Variants in AGPS observed in about 807,000 individuals in gnomAD.
AGPS encodes the protein alkylglycerone phosphate synthase.
Under a neutral mutation model 90.7 loss-of-function variants are expected in AGPS, and 26 were observed. The observed-to-expected ratio is 0.29, with a 90% CI of 0.21 to 0.40. The LOEUF (loss-of-function observed/expected upper bound fraction) is 0.40. Among genes scored for constraint, AGPS ranks in the 10% least tolerant of loss-of-function variants. The pLI is 1.00. For missense variants in AGPS, 540 were observed against 816.1 expected, an observed-to-expected ratio of 0.66 and a Z score of 4.12; for synonymous variants, 294 against 285.3, an observed-to-expected ratio of 1.03 and a Z score of -0.31.
In AGPS at chr2:177,502,407, A is replaced by AT. The variant is rs71007998; in HGVS notation, c.1475+2700dup. On this transcript the variant is annotated intron_variant, in intron 14 of 19. Transcript: ENST00000264167. ...ACTTAGATTACTTAGAGCCATTTCG[A>AT]TTTTTTTTTTTTTTTTTTTTTTTGA... Among the ~76,000 whole-genome samples, 21 of 109,296 alleles carry AT rather than the reference A, an allele frequency of 1.9e-4. 1 individual carries two copies. The highest frequency in any genetic ancestry group is 5.0e-4 in the African/African-American group (14 of 28,174). 71.7% of individuals were successfully genotyped at this position (109,296 alleles called of 152,430 possible). A position where few individuals can be genotyped will look rare whatever the true frequency, so the allele number is the denominator to read the frequency against.
At chr2:177,448,847 C>A (rs1686853476) in intron 8 of AGPS, among the ~76,000 whole-genome samples, 1 of 152,166 alleles carries the variant, frequency 6.6e-6, no homozygotes, top group Non-Finnish European at 1.5e-5. Context: ...CACCCACAAC[C>A]CTTAAGCAAC....
Position 177,392,997 on chromosome 2 carries a change from G to T in AGPS, c.208G>T (p.Ala70Ser), listed in dbSNP as rs967836221. The T allele has an allele frequency of 4.5e-6, 7 of 1,550,072 alleles. No homozygotes were observed. Among genetic ancestry groups the T allele is most frequent in the South Asian group, 1.2e-5 (1 of 84,042 alleles). ...ARRAASAATA[A>S]PTATPAAQES... ...GAGAGCCGCGTCGGCGGCCACGGCA[G>T]CGCCCACGGCCACTCCCGCCGCGCA... is the stretch of plus-strand genomic sequence containing the variant. Residue 70 changes from alanine to serine, a missense_variant, in exon 1 of 20, where the codon GCG becomes TCG. This residue lies in a region of AGPS where 135 missense variants were observed against 124.0 expected (regional missense o/e 1.09). Transcript: ENST00000264167.
At chr2:177,482,324 C>A in intron 11 of AGPS, 138 bp downstream of exon 11, 1 of 466,122 alleles carries the variant, frequency 2.1e-6, no homozygotes, top group Non-Finnish European at 3.6e-6. Context: ...GTGGTTTTTA[C>A]CCAGTTCTAT....
chr2:177,409,776 G>C (rs1220121408), intron 1 of AGPS, among the ~76,000 whole-genome samples: 1 of 152,032 alleles, frequency 6.6e-6, no homozygotes, highest in Admixed American at 6.5e-5. Context: ...ATGCATCAGG[G>C]GCTCCATTTG....
chr2:177,451,327 T>A (rs1449528618), intron 8 of AGPS, among the ~76,000 whole-genome samples: 1 of 152,146 alleles, frequency 6.6e-6, no homozygotes, highest in Non-Finnish European at 1.5e-5. Flanking sequence ...ATTGGTATTT[T>A]TAAAAATTGT....
At chr2:177,468,862 C>T (rs1035946561) in intron 10 of AGPS, among the ~76,000 whole-genome samples, 9 of 152,008 alleles carry the variant, frequency 5.9e-5, no homozygotes, top group Middle Eastern at 3.4e-3. Context: ...TCAGAATTAT[C>T]GGAGGAAAGG....
At chr2:177,535,755 C>A (rs2079178194) in intron 19 of AGPS, among the ~76,000 whole-genome samples, 3 of 152,146 alleles carry the variant, frequency 2.0e-5, no homozygotes, top group Non-Finnish European at 2.9e-5. Context: ...ATTTCTAGTA[C>A]CTTTAATTGC....
chr2:177,448,506 A>G (rs1336259179), intron 8 of AGPS, among the ~76,000 whole-genome samples: 1 of 152,172 alleles, frequency 6.6e-6, no homozygotes, highest in Non-Finnish European at 1.5e-5. Flanking sequence ...CAAACTCCGC[A>G]TTTTAAAAAC....
chr2:177,512,038 T>TA (rs1426874463), intron 16 of AGPS, among the ~76,000 whole-genome samples: 2 of 152,232 alleles, frequency 1.3e-5, no homozygotes, highest in African/African-American at 4.8e-5. Flanking sequence ...AGATTTTTTT[T>TA]AGACTACTTA....
At chr2:177,533,626 A>T (rs929822651) in intron 19 of AGPS, among the ~76,000 whole-genome samples, 2 of 152,198 alleles carry the variant, frequency 1.3e-5, no homozygotes, top group African/African-American at 4.8e-5. Context: ...ATGTTTGTTA[A>T]TCTGAGAATG....
intron 7 of AGPS, among the ~76,000 whole-genome samples, chr2:177,444,214 A>T (rs909696850): frequency 1.3e-5 from 2 of 152,060 alleles, no homozygotes; most frequent in African/African-American, 2.4e-5. Context: ...TGAGGCCAGG[A>T]GTTCTAGACC....
chr2:177,490,345 C>T (rs535478792), intron 11 of AGPS, among the ~76,000 whole-genome samples: 1 of 152,184 alleles, frequency 6.6e-6, no homozygotes, highest in East Asian at 1.9e-4. Context: ...CTTATATAAG[C>T]ATTTAGTTAT....
intron 1 of AGPS, among the ~76,000 whole-genome samples, chr2:177,416,148 A>G (rs927370537): frequency 6.6e-6 from 1 of 152,212 alleles, no homozygotes; most frequent in African/African-American, 2.4e-5. Flanking sequence ...TATTACTAGT[A>G]GAGGAATAGT....
At chr2:177,497,566 A>T in intron 12 of AGPS, 123 bp from the exon 13 acceptor site, 1 of 428,028 alleles carries the variant, frequency 2.3e-6, no homozygotes, top group Non-Finnish European at 4.2e-6. Context: ...TAACACGGGA[A>T]GATTTTAAAA....
chr2:177,434,211 C>T (rs1465637310), intron 2 of AGPS, 116 bp from the exon 3 acceptor site: 21 of 717,946 alleles, frequency 2.9e-5, no homozygotes, highest in Non-Finnish European at 4.3e-5. Context: ...TTTATAGTTA[C>T]ATGTGAAAGT....
chr2:177,448,534 A>T (rs1686841648), intron 8 of AGPS, among the ~76,000 whole-genome samples: 1 of 152,078 alleles, frequency 6.6e-6, no homozygotes, highest in African/African-American at 2.4e-5. Context: ...TTAGAGGAAA[A>T]ATTTGCAATC....
At position 177,503,982 on chromosome 2, in the gene AGPS, A is replaced by C. The variant is rs540381835; in HGVS notation, c.1476-1524A>C. ...AAAGATGACTTAGGACTGAAAAGTA[A>C]GACTTTTTGTCTCATCTCGACATAA... On this transcript the variant is annotated intron_variant, in intron 14 of 19. Transcript: ENST00000264167. Among the ~76,000 whole-genome samples, 4 of 152,316 alleles carry C rather than the reference A, an allele frequency of 2.6e-5. No individual in the cohort carries two copies. The East Asian group carries it at 7.7e-4, about 29-fold the overall frequency.
intron 14 of AGPS, among the ~76,000 whole-genome samples, chr2:177,500,944 A>G (rs1688544931): frequency 6.6e-6 from 1 of 152,130 alleles, no homozygotes; most frequent in Non-Finnish European, 1.5e-5. Context: ...GAAGGAATTT[A>G]GCCCTATGTA....
chr2:177,442,366 G>C (rs1185830983), intron 6 of AGPS, 41 bp from the exon 7 acceptor site: 1 of 1,450,780 alleles, frequency 6.9e-7, no homozygotes, highest in Non-Finnish European at 9.7e-7. Context: ...GCTAAAAACA[G>C]AATATTTAAA....
Sources: allele counts gnomAD v4.1 joint callset (sites outside exome capture counted in the v4.1 genomes callset), GRCh38; gene constraint gnomAD v4.1.1; regional missense constraint gnomAD v4.1.1; transcripts MANE v1.5; gene names NCBI Gene and HGNC (gene_info 2026-07-23, HGNC 2026-07-21).